WWP1: variants seen among roughly 807,000 people sequenced by gnomAD.
WWP1 encodes WW domain containing E3 ubiquitin protein ligase 1.
In WWP1, 49 loss-of-function variants were observed where a neutral mutation model predicts 130.6. The ratio of observed to expected loss-of-function variants is 0.38; its 90% CI spans 0.30 to 0.48. The LOEUF (loss-of-function observed/expected upper bound fraction) is 0.48, where lower values mean the gene tolerates loss of function less well. WWP1 is among the 20% of genes least tolerant of loss of function. WWP1 has a pLI of 0.99. For missense variants in WWP1, 809 were observed against 1,100.6 expected (o/e 0.74, Z 3.75); for synonymous variants, 332 against 367.8 (o/e 0.90, Z 1.11).
At chr8:86,389,710 C>G (rs1253910464) in intron 5 of WWP1, among the ~76,000 whole-genome samples, 1 of 152,218 alleles carries the variant, frequency 6.6e-6, no homozygotes, top group Non-Finnish European at 1.5e-5. Context: ...AGACGGGCTC[C>G]TCACTTCCCA....
chr8:86,352,085 G>A (rs1395224708), intron 1 of WWP1, among the ~76,000 whole-genome samples: 2 of 141,718 alleles, frequency 1.4e-5, no homozygotes, highest in East Asian at 2.1e-4. Context: ...TGTCACCCAA[G>A]GCTAGAGTGC....
chr8:86,434,875 G>A (rs1810203147), intron 14 of WWP1, among the ~76,000 whole-genome samples: 2 of 152,088 alleles, frequency 1.3e-5, no homozygotes, highest in South Asian at 4.2e-4. Flanking sequence ...TGCCTGTCAG[G>A]CCCTCAATCA....
rs191610014 is a variant in WWP1 at position 86,398,070 on chromosome 8, A to C, written c.335-272A>C. 1.1e-3 allele frequency among the ~76,000 whole-genome samples: 162 copies of C among 152,344 alleles called. 1 individual carries two copies. Among genetic ancestry groups the C allele is most frequent in the African/African-American group, 3.7e-3 (154 of 41,578 alleles). On this transcript the variant is annotated intron_variant, in intron 5 of 24. Coordinates refer to ENST00000517970, the MANE Select transcript of WWP1 (RefSeq NM_007013.4). ...AGTCATCTGTGGTACCTTGAGCTGA[A>C]AAGCAAGTTTAGACAATTGCTACAC...
At chr8:86,442,840 T>A in intron 18 of WWP1, 62 bp downstream of exon 18, 1 of 1,400,346 alleles carries the variant, frequency 7.1e-7, no homozygotes, top group East Asian at 2.5e-5. Flanking sequence ...GAGAAGGCTT[T>A]TAAAAAAAAA....
intron 11 of WWP1, among the ~76,000 whole-genome samples, chr8:86,430,032 C>T (rs374052706): frequency 3.5e-4 from 53 of 152,062 alleles, no homozygotes; most frequent in African/African-American, 1.3e-3. Context: ...AACCTTGTCT[C>T]TACAAAAAAT....
intron 17 of WWP1, among the ~76,000 whole-genome samples, chr8:86,441,231 C>T (rs775578474): frequency 3.5e-4 from 54 of 152,188 alleles, no homozygotes; most frequent in Non-Finnish European, 3.7e-4. Flanking sequence ...CTCACAAGAC[C>T]TGCTCCATCC....
At chr8:86,422,894 G>A (rs1395004195) in intron 9 of WWP1, among the ~76,000 whole-genome samples, 2 of 152,086 alleles carry the variant, frequency 1.3e-5, no homozygotes, top group African/African-American at 4.8e-5. Context: ...AAAAGATACT[G>A]TGCACACAGA....
At chr8:86,440,826 C>T (rs1810556126) in intron 17 of WWP1, 1 of 363,696 alleles carries the variant, frequency 2.7e-6, no homozygotes, top group Non-Finnish European at 5.3e-6. Context: ...TTTGATTTTT[C>T]TCAAGCCTAT....
At chr8:86,401,005 T>C (rs1807945078) in intron 7 of WWP1, among the ~76,000 whole-genome samples, 1 of 151,970 alleles carries the variant, frequency 6.6e-6, no homozygotes, top group South Asian at 2.1e-4. Context: ...GCTTTGAACT[T>C]TTTTTGTTTT....
intron 23 of WWP1, 113 bp downstream of exon 23, chr8:86,461,433 G>A (rs2130105296): frequency 1.1e-6 from 1 of 925,110 alleles, no homozygotes; most frequent in East Asian, 2.5e-5. Flanking sequence ...GCTGTAGGTA[G>A]GGCTTCATTT....
chr8:86,379,557 G>A (rs1824864616), intron 3 of WWP1, among the ~76,000 whole-genome samples: 1 of 152,060 alleles, frequency 6.6e-6, no homozygotes, highest in African/African-American at 2.4e-5. Flanking sequence ...ATCTTGATAA[G>A]TTGTTCTTAC....
chr8:86,447,456 CG>C (rs1258656032), intron 18 of WWP1, among the ~76,000 whole-genome samples: 1 of 151,908 alleles, frequency 6.6e-6, no homozygotes, highest in African/African-American at 2.4e-5. Context: ...TTAGTAAGGA[CG>C]GGGTTTCACT....
intron 11 of WWP1, among the ~76,000 whole-genome samples, chr8:86,428,190 CAGTCTTGCAG>C (rs1200071052): frequency 6.6e-6 from 1 of 152,068 alleles, no homozygotes; most frequent in Non-Finnish European, 1.5e-5. Context: ...TACTTAGAGC[CAGTCTTGCAG>C]TATGCTACCT....
chr8:86,367,238 C>T (rs1312039815), intron 1 of WWP1, among the ~76,000 whole-genome samples: 3 of 152,190 alleles, frequency 2.0e-5, no homozygotes, highest in Non-Finnish European at 4.4e-5. Context: ...TGTATCCTTG[C>T]CATACCCACT....
chr8:86,352,122 C>T (rs1822970687), intron 1 of WWP1, among the ~76,000 whole-genome samples: 1 of 149,750 alleles, frequency 6.7e-6, no homozygotes, highest in South Asian at 2.1e-4. Flanking sequence ...CTCACTGCAA[C>T]CTTAACCAAC....
At chr8:86,405,326 ATTTTTTTT>A (rs35346142) in intron 8 of WWP1, among the ~76,000 whole-genome samples, 1 of 128,916 alleles carries the variant, frequency 7.8e-6, no homozygotes, top group Admixed American at 7.8e-5. Flanking sequence ...AACCAAAAGG[ATTTTTTTT>A]TTTTTTTTTT....
chr8:86,379,331 A>G (rs534967587), intron 3 of WWP1, among the ~76,000 whole-genome samples: 2 of 152,226 alleles, frequency 1.3e-5, no homozygotes, highest in Non-Finnish European at 2.9e-5. Flanking sequence ...CGGTACTTAA[A>G]TATAGTATTT....
At chr8:86,356,600 TA>T (rs1823273299) in intron 1 of WWP1, among the ~76,000 whole-genome samples, 1 of 152,128 alleles carries the variant, frequency 6.6e-6, no homozygotes, top group Admixed American at 6.5e-5. Flanking sequence ...TTTGTTGACA[TA>T]ATAGAGTAAC....
In WWP1 at chr8:86,431,454, CA is replaced by C; in HGVS notation, c.1441del (p.Thr481GlnfsTer31). 1.2e-6 allele frequency: 2 copies of C among 1,610,356 alleles called. No homozygotes were observed. Among genetic ancestry groups the C allele is most frequent in the South Asian group, 1.1e-5 (1 of 90,510 alleles). On this transcript the variant is annotated frameshift_variant, in exon 13 of 25. Transcript: ENST00000517970. LOFTEE classifies it high-confidence loss of function. ...AGGGTTTACTTTGTGAATCATAACA[CA>C]AAAACAACCCAGTGGGAAGATCCAA... ...TDRVYFVNHN[T>X]KTTQWEDPRT...
Sources: allele counts gnomAD v4.1 joint callset (sites outside exome capture counted in the v4.1 genomes callset), GRCh38; gene constraint gnomAD v4.1.1; transcripts MANE v1.5; gene names NCBI Gene and HGNC (gene_info 2026-07-23, HGNC 2026-07-21).